The following LRRC7 variants were observed in gnomAD, a reference collection of about 807,000 sequenced individuals.
The protein encoded by LRRC7 is leucine-rich repeat-containing protein 7.
In LRRC7, 23 loss-of-function variants were observed where a neutral mutation model predicts 175.7. The observed-to-expected ratio is 0.13, with a 90% CI of 0.09 to 0.19. The LOEUF is 0.19. Among genes scored for constraint, LRRC7 ranks in the 10% least tolerant of loss-of-function variants. The pLI is 1.00. For synonymous variants in LRRC7, 685 were observed against 680.9 expected, an observed-to-expected ratio of 1.01 and a Z score of -0.09; for missense variants, 1,354 against 1,904.7, an observed-to-expected ratio of 0.71 and a Z score of 5.38.
rs534356909 is a variant in LRRC7, at chr1:69,634,382, G to A, written c.3-43999G>A. Among the ~76,000 whole-genome samples the A allele has an allele frequency of 6.3e-4, 96 of 152,076 alleles. 1 individual carries two copies. Among genetic ancestry groups the A allele is most frequent in the South Asian group, 8.3e-4 (4 of 4,810 alleles). The stretch of plus-strand genomic sequence containing the variant: ...TAGATAATACATTATATATTCATGC[G>A]GTCTGCAAGATCTTTGAGATAATCA... On this transcript the variant is annotated intron_variant, in intron 1 of 26. Transcript: ENST00000651989.
intron 3 of LRRC7, among the ~76,000 whole-genome samples, chr1:69,783,053 C>T (rs1026460275): frequency 6.1e-4 from 93 of 152,164 alleles, no homozygotes; most frequent in African/African-American, 2.2e-3. Flanking sequence ...ATTTTTCATT[C>T]CTCTCCACAC....
At chr1:69,600,135 T>C (rs1646996242) in intron 1 of LRRC7, among the ~76,000 whole-genome samples, 1 of 152,190 alleles carries the variant, frequency 6.6e-6, no homozygotes. Flanking sequence ...TGCAAAGATA[T>C]TACAGGGTGT....
chr1:69,939,260 A>G (rs888812679), intron 8 of LRRC7, among the ~76,000 whole-genome samples: 1 of 151,772 alleles, frequency 6.6e-6, no homozygotes, highest in Admixed American at 6.6e-5. Flanking sequence ...GGGGACACTG[A>G]AAAAGGAAGT....
intron 11 of LRRC7, among the ~76,000 whole-genome samples, chr1:70,006,776 G>C (rs1325052580): frequency 6.6e-6 from 1 of 152,052 alleles, no homozygotes; most frequent in Non-Finnish European, 1.5e-5. Flanking sequence ...TATAAATTGG[G>C]GCTCCCTATC....
At chr1:69,586,157 A>G (rs2100936092) in intron 1 of LRRC7, among the ~76,000 whole-genome samples, 1 of 152,262 alleles carries the variant, frequency 6.6e-6, no homozygotes. Flanking sequence ...ATTAATTTAA[A>G]TTTTTGTCAA....
intron 2 of LRRC7, among the ~76,000 whole-genome samples, chr1:69,708,099 C>T (rs1664271336): frequency 6.6e-6 from 1 of 152,128 alleles, no homozygotes; most frequent in South Asian, 2.1e-4. Flanking sequence ...CTTAGAAGTA[C>T]CAAGTGGAAA....
intron 26 of LRRC7, among the ~76,000 whole-genome samples, chr1:70,111,104 G>C (rs555527567): frequency 6.6e-6 from 1 of 152,098 alleles, no homozygotes; most frequent in African/African-American, 2.4e-5. Context: ...TACTTTTGGG[G>C]TTTAATCTAA....
intron 1 of LRRC7, among the ~76,000 whole-genome samples, chr1:69,665,800 T>C (rs1658178280): frequency 6.6e-6 from 1 of 152,134 alleles, no homozygotes; most frequent in Non-Finnish European, 1.5e-5. Context: ...CCTTTCTAAT[T>C]TGTATGCCCT....
rs1652807357 is a variant in LRRC7, at chr1:69,633,349, C to T, written c.3-45032C>T. ...TTATGGAATAACTTTATCTTTTTATCAAAATTATATTACTGTATCTGTCCA... is the reference window on the plus strand; with the variant it reads ...TTATGGAATAACTTTATCTTTTTATTAAAATTATATTACTGTATCTGTCCA... On this transcript the variant is annotated intron_variant, in intron 1 of 26. Transcript: ENST00000651989. 3.3e-5 allele frequency among the ~76,000 whole-genome samples: 5 copies of T among 151,902 alleles called. No homozygotes were observed. In the South Asian group the frequency reaches 1.0e-3, roughly 32 times the overall value.
chr1:69,610,977 T>C (rs1183877442), intron 1 of LRRC7, among the ~76,000 whole-genome samples: 1 of 151,914 alleles, frequency 6.6e-6, no homozygotes, highest in Non-Finnish European at 1.5e-5. Context: ...ACAAACTAGA[T>C]ATAAATTTAA....
intron 1 of LRRC7, among the ~76,000 whole-genome samples, chr1:69,667,846 C>G (rs780965432): frequency 1.4e-4 from 22 of 152,076 alleles, no homozygotes; most frequent in South Asian, 6.2e-4. Context: ...GCCTTTTTAT[C>G]ATTTGTTTTC....
chr1:70,143,684 G>C lies in LRRC7; in HGVS notation c.*21797G>C, dbSNP rs1667175337. 6.6e-6 allele frequency: 1 copy of C among 151,890 alleles called. No homozygotes were observed. Among genetic ancestry groups the C allele is most frequent in the Admixed American group, 6.6e-5 (1 of 15,230 alleles). The allele number at this position is 151,890 out of a possible 1,614,324, so 9.4% of individuals were successfully genotyped here. A position where few individuals can be genotyped will look rare whatever the true frequency, so the allele number is the denominator to read the frequency against. ...TTCACATTTAAGGTTTTCTACTTGG[G>C]TGTACTCTAGCCAATTCAAAACAAA... On this transcript the variant is annotated 3_prime_UTR_variant, in exon 27 of 27. Coordinates refer to ENST00000651989, the MANE Select transcript of LRRC7 (RefSeq NM_001370785.2).
chr1:69,920,996 C>G (rs1181698192), intron 7 of LRRC7, among the ~76,000 whole-genome samples: 2 of 152,108 alleles, frequency 1.3e-5, no homozygotes, highest in Non-Finnish European at 2.9e-5. Context: ...AGCACCTATT[C>G]AGTGGTATAG....
rs1180345388 is a variant in LRRC7, at chr1:70,121,890, A to AT, written c.*9dup. 13 of 1,570,936 alleles carry AT rather than the reference A, an allele frequency of 8.3e-6. No individual in the cohort carries two copies. The Middle Eastern group carries it at 5.1e-4, about 62-fold the overall frequency. ...TTCAACGTGAGCTTACTGTCTAAAT[A>AT]TTTTTTATAAATAGTGAAGATACGT... On this transcript the variant is annotated 3_prime_UTR_variant, in exon 27 of 27. Coordinates refer to ENST00000651989, the MANE Select transcript of LRRC7 (RefSeq NM_001370785.2).
intron 7 of LRRC7, among the ~76,000 whole-genome samples, chr1:69,872,483 T>G (rs1308465010): frequency 6.6e-6 from 1 of 152,006 alleles, no homozygotes; most frequent in Admixed American, 6.6e-5. Context: ...AAATGCCAAT[T>G]TCTTAAATTA....
At chr1:70,006,310 C>A (rs776309036) in intron 11 of LRRC7, among the ~76,000 whole-genome samples, 4 of 151,596 alleles carry the variant, frequency 2.6e-5, no homozygotes, top group Non-Finnish European at 5.9e-5. Context: ...CAGAGTAGTG[C>A]GGGACTGTAT....
intron 8 of LRRC7, among the ~76,000 whole-genome samples, chr1:69,957,967 T>C (rs1407219651): frequency 6.6e-6 from 1 of 151,946 alleles, no homozygotes; most frequent in Non-Finnish European, 1.5e-5. Flanking sequence ...TAGAATGTGA[T>C]GCAAGTAAAA....
chr1:69,598,460 G>A (rs1469334661), intron 1 of LRRC7, among the ~76,000 whole-genome samples: 2 of 152,072 alleles, frequency 1.3e-5, no homozygotes, highest in African/African-American at 4.8e-5. Flanking sequence ...ACAGGATAGG[G>A]TAGGTTGTGG....
At position 69,872,235 on chromosome 1, in the gene LRRC7, T is replaced by C. The variant is rs547927632; in HGVS notation, c.647+33952T>C. 1.1e-4 allele frequency among the ~76,000 whole-genome samples: 16 copies of C among 152,112 alleles called. 1 individual carries two copies. The highest frequency in any genetic ancestry group is 3.6e-4 in the African/African-American group (15 of 41,564). On this transcript the variant is annotated intron_variant, in intron 7 of 26. Coordinates refer to ENST00000651989, the MANE Select transcript of LRRC7 (RefSeq NM_001370785.2). Reference sequence around the variant, plus strand: ...AATTAGTTTGAATAAATGTAGTACATAAAAAATTGTAAACAAAATATGTGT... The same window carrying C: ...AATTAGTTTGAATAAATGTAGTACACAAAAAATTGTAAACAAAATATGTGT...
Sources: allele counts gnomAD v4.1 joint callset (sites outside exome capture counted in the v4.1 genomes callset), GRCh38; gene constraint gnomAD v4.1.1; transcripts MANE v1.5; gene names NCBI Gene and HGNC (gene_info 2026-07-23, HGNC 2026-07-21).